ABCC8: variants seen among roughly 807,000 people sequenced by gnomAD.
ABCC8 encodes ATP binding cassette subfamily C member 8.
ABCC8 carries 137 observed loss-of-function variants against 188.0 expected under a neutral mutation model. That is an observed-to-expected ratio of 0.73 (90% confidence interval 0.63 to 0.84). The LOEUF (loss-of-function observed/expected upper bound fraction) is 0.84, where lower values mean the gene tolerates loss of function less well. Ranked by LOEUF, ABCC8 falls within the 40% of genes least tolerant of loss-of-function variation. ABCC8 has a pLI of 0.00. For synonymous variants in ABCC8, 797 were observed against 846.5 expected (o/e 0.94, Z 1.01); for missense variants, 1,750 against 2,072.7 (o/e 0.84, Z 3.02).
intron 6 of ABCC8, among the ~76,000 whole-genome samples, chr11:17,453,927 A>C (rs1428540251): frequency 6.6e-6 from 1 of 152,178 alleles, no homozygotes; most frequent in Non-Finnish European, 1.5e-5. Flanking sequence ...CAGTGAAGAA[A>C]AACAAACATT....
At chr11:17,449,772 G>A (rs1956688697) in intron 7 of ABCC8, among the ~76,000 whole-genome samples, 1 of 152,182 alleles carries the variant, frequency 6.6e-6, no homozygotes, top group African/African-American at 2.4e-5. Context: ...TTTTTTGTGG[G>A]TCAGGTTTTC....
intron 10 of ABCC8, among the ~76,000 whole-genome samples, chr11:17,440,660 C>T (rs566957571): frequency 6.6e-5 from 10 of 152,360 alleles, no homozygotes; most frequent in South Asian, 4.1e-4. Context: ...CTGCATAAAA[C>T]GCCATGGCTT....
chr11:17,464,782 G>A (rs1184268603), intron 3 of ABCC8, among the ~76,000 whole-genome samples: 3 of 152,132 alleles, frequency 2.0e-5, no homozygotes, highest in African/African-American at 7.2e-5. Flanking sequence ...CCCTTTGAGG[G>A]TGGGGGAGAT....
At chr11:17,420,145 G>A (rs913140620) in intron 16 of ABCC8, among the ~76,000 whole-genome samples, 2 of 152,202 alleles carry the variant, frequency 1.3e-5, no homozygotes, top group African/African-American at 4.8e-5. Flanking sequence ...TTCAAAGAGT[G>A]AGCTAGGATA....
chr11:17,408,424 G>A lies in ABCC8; in HGVS notation c.2788C>T (p.Leu930Phe). ...ECQLFEHWKT[L>F]MNRQDQELEK... ...AGCTCTTGGTCCTGTCGGTTCATGAGGGTCTTCCAGTGCTCAAAGAGCTGG... is the reference window on the plus strand; with the variant it reads ...AGCTCTTGGTCCTGTCGGTTCATGAAGGTCTTCCAGTGCTCAAAGAGCTGG... The change falls in exon 23 of 39, where the codon CTC becomes TTC. Residue 930 changes from leucine (L) to phenylalanine (F), a missense_variant. Coordinates refer to ENST00000389817, the MANE Select transcript of ABCC8 (RefSeq NM_000352.6). 6.2e-7 allele frequency: 1 copy of A among 1,613,652 alleles called. No homozygotes were observed.
chr11:17,394,196 C>G, intron 37 of ABCC8, 70 bp downstream of exon 37: 1 of 1,577,884 alleles, frequency 6.3e-7, no homozygotes, highest in South Asian at 1.1e-5. Flanking sequence ...CTACTTCGTG[C>G]AAATTTCTCC....
chr11:17,420,612 A>G (rs1005106680), intron 16 of ABCC8, among the ~76,000 whole-genome samples: 1 of 152,128 alleles, frequency 6.6e-6, no homozygotes, highest in African/African-American at 2.4e-5. Flanking sequence ...GGCTCTTGGC[A>G]GGCAGCATCC....
rs758020121 is a variant in ABCC8, at chr11:17,427,953, C to T, written c.2041-11G>A. ...GTAGCCTCCCATGATCTTCATTAGG[C>T]GTGTCCCACCGCCCAGGAGAGAACA... On this transcript the variant is annotated splice_polypyrimidine_tract_variant and intron_variant, in intron 14 of 38. Coordinates refer to ENST00000389817, the MANE Select transcript of ABCC8 (RefSeq NM_000352.6). The surrounding 1 kb of genome is among the most constrained non-coding windows in gnomAD (Gnocchi z 5.0). The T allele has an allele frequency of 1.2e-5, 20 of 1,612,630 alleles. No individual in the cohort carries two copies. The highest frequency in any genetic ancestry group is 1.6e-4 in the Middle Eastern group (1 of 6,082).
At chr11:17,450,169 G>A (rs550387607) in intron 7 of ABCC8, among the ~76,000 whole-genome samples, 11 of 152,208 alleles carry the variant, frequency 7.2e-5, no homozygotes, top group African/African-American at 2.6e-4. Flanking sequence ...GCTCTCATCC[G>A]TAAGGGTACA....
rs1956876308 is a variant in ABCC8, at chr11:17,453,225, A to G, written c.1070T>C (p.Val357Ala). 6.2e-7 allele frequency: 1 copy of G among 1,614,040 alleles called. No homozygotes were observed. The highest frequency in any genetic ancestry group is 1.3e-5 in the African/African-American group (1 of 74,920). ...GGCAAGGAACAGAAGCACAGCTAAG[A>G]CGTAGGCATTGGCAAGGAACTCTTG... Reference protein sequence around the residue: ...SSQEFLANAYVLAVLLFLALL... With the variant: ...SSQEFLANAYALAVLLFLALL... The change falls in exon 7 of 39, where the codon GTC (valine) becomes GCC (alanine). Residue 357 changes from valine (V) to alanine (A), a missense_variant. Physicochemically the swap from Val to Ala is moderately conservative, Grantham distance 64. Coordinates refer to ENST00000389817, the MANE Select transcript of ABCC8 (RefSeq NM_000352.6).
intron 10 of ABCC8, among the ~76,000 whole-genome samples, chr11:17,434,958 G>T (rs1956010366): frequency 6.6e-6 from 1 of 150,672 alleles, no homozygotes; most frequent in South Asian, 2.1e-4. Context: ...GGCTGGGAGA[G>T]TAGAATCATC....
chr11:17,397,938 A>G, intron 30 of ABCC8, 141 bp from the exon 31 acceptor site: 4 of 1,494,544 alleles, frequency 2.7e-6, no homozygotes, highest in Non-Finnish European at 3.6e-6. Flanking sequence ...GTCACCAGAC[A>G]CACACAAGGG....
chr11:17,416,218 C>T (rs1955065434), intron 17 of ABCC8, among the ~76,000 whole-genome samples: 1 of 152,118 alleles, frequency 6.6e-6, no homozygotes, highest in African/African-American at 2.4e-5. Flanking sequence ...GACTTCATAC[C>T]ACCTCTAGGG....
At chr11:17,423,565 A>G (rs1254510407) in intron 16 of ABCC8, among the ~76,000 whole-genome samples, 1 of 152,130 alleles carries the variant, frequency 6.6e-6, no homozygotes, top group Non-Finnish European at 1.5e-5. Context: ...ACTATGCTTG[A>G]AAGGGAAGCT....
chr11:17,430,675 C>A lies in ABCC8; in HGVS notation c.1817+139G>T, dbSNP rs988000878. 2.8e-6 allele frequency: 3 copies of A among 1,062,940 alleles called. No individual in the cohort carries two copies. The African/African-American group carries it at 4.7e-5, about 17-fold the overall frequency. The allele number at this position is 1,062,940 out of a possible 1,614,324, so 65.8% of individuals were successfully genotyped here. ...ACAGGCCAATGTCCCTCTGACCAAC[C>A]AGGACCAGCTACAGCAAGGCCCAGC... On this transcript the variant is annotated intron_variant, in intron 12 of 38. Transcript: ENST00000389817.
chr11:17,476,720 C>G lies in ABCC8; in HGVS notation c.57G>C (p.Gln19His), dbSNP rs1848806338. The change falls in exon 1 of 39, where the codon CAG (glutamine) becomes CAC (histidine). Residue 19 changes from glutamine to histidine, a missense_variant. By Grantham distance (24) the Gln-to-His change is conservative. Coordinates refer to ENST00000389817, the MANE Select transcript of ABCC8 (RefSeq NM_000352.6). ...ENHSAAYRVD[Q>H]GVLNNGCFVD... Reference sequence around the variant, plus strand: ...CAAAGCAGCCGTTGTTGAGGACCCCCTGGTCCACCCGGTAGGCGGCCGAGT... The same window carrying G: ...CAAAGCAGCCGTTGTTGAGGACCCCGTGGTCCACCCGGTAGGCGGCCGAGT... 1 of 1,609,058 alleles carries G rather than the reference C, an allele frequency of 6.2e-7. No individual in the cohort carries two copies. Among genetic ancestry groups the G allele is most frequent in the African/African-American group, 1.3e-5 (1 of 74,638 alleles).
At chr11:17,474,849 C>A in intron 2 of ABCC8, 37 bp downstream of exon 2, 2 of 1,605,782 alleles carry the variant, frequency 1.2e-6, no homozygotes, top group East Asian at 2.2e-5. Flanking sequence ...TACCCTGGAG[C>A]AGATTCACTT....
At chr11:17,468,718 G>T (rs559967848) in intron 3 of ABCC8, among the ~76,000 whole-genome samples, 1 of 152,200 alleles carries the variant, frequency 6.6e-6, no homozygotes, top group South Asian at 2.1e-4. Flanking sequence ...AGTATTTACT[G>T]TTATTATTTT....
intron 16 of ABCC8, among the ~76,000 whole-genome samples, chr11:17,425,623 C>CT (rs1465247461): frequency 2.0e-5 from 3 of 152,118 alleles, no homozygotes; most frequent in African/African-American, 7.2e-5. Flanking sequence ...TGCTGAACAT[C>CT]TTTTTACCCT....
Sources: allele counts gnomAD v4.1 joint callset (sites outside exome capture counted in the v4.1 genomes callset), GRCh38; gene constraint gnomAD v4.1.1; non-coding constraint Gnocchi (gnomAD v3.1); transcripts MANE v1.5; gene names NCBI Gene and HGNC (gene_info 2026-07-23, HGNC 2026-07-21).